Variants in BNIP2 observed in about 807,000 individuals in gnomAD.
The protein encoded by BNIP2 is BCL2 interacting protein 2, also known as BCL2/adenovirus E1B 19 kDa protein-interacting protein 2.
Under a neutral mutation model 43.4 loss-of-function variants are expected in BNIP2, and 36 were observed. The observed-to-expected ratio is 0.83, with a 90% CI of 0.64 to 1.10. BNIP2 has a LOEUF of 1.10. Among genes scored for constraint, BNIP2 ranks in the 50% least tolerant of loss-of-function variants. BNIP2 has a pLI of 0.00. For missense variants in BNIP2, 417 were observed against 374.1 expected, an observed-to-expected ratio of 1.11 and a Z score of -0.95; for synonymous variants, 146 against 121.0, an observed-to-expected ratio of 1.21 and a Z score of -1.35.
intron 2 of BNIP2, among the ~76,000 whole-genome samples, chr15:59,682,186 G>A (rs1893722769): frequency 6.6e-6 from 1 of 152,076 alleles, no homozygotes; most frequent in Admixed American, 6.6e-5. Context: ...AATTAGCCAG[G>A]CGTGGTGGCG....
intron 9 of BNIP2, chr15:59,668,625 A>C (rs1306079457): frequency 2.9e-6 from 1 of 345,098 alleles, no homozygotes; most frequent in Non-Finnish European, 5.3e-6. Context: ...CTTAGATTAT[A>C]AGTAGTCTAT....
chr15:59,684,664 T>A (rs1893902171), intron 1 of BNIP2, among the ~76,000 whole-genome samples: 3 of 152,352 alleles, frequency 2.0e-5, no homozygotes, highest in Middle Eastern at 3.4e-3. Context: ...TTTTCTTAAG[T>A]CTTTGGTACT....
rs1257859672 is a variant in BNIP2, at chr15:59,663,612, A to G, written c.*457T>C. 1 of 152,736 alleles carries G rather than the reference A, an allele frequency of 6.5e-6. No homozygotes were observed. Among genetic ancestry groups the G allele is most frequent in the Non-Finnish European group, 1.5e-5 (1 of 68,106 alleles). 9.5% of individuals were successfully genotyped at this position (152,736 alleles called of 1,614,324 possible). A position where few individuals can be genotyped will look rare whatever the true frequency, so the allele number is the denominator to read the frequency against. ...TGTATTTAACCATTTACAAAAACAA[A>G]AATTCTAATATGCACTTTAGAAAAT... On this transcript the variant is annotated 3_prime_UTR_variant, in exon 10 of 10. Transcript: ENST00000607373.
At position 59,661,158 on chromosome 15, in the gene BNIP2, C is replaced by T. The variant is rs1328384440; in HGVS notation, c.*2911G>A. 6.6e-6 allele frequency: 1 copy of T among 151,932 alleles called. No homozygotes were observed. The highest frequency in any genetic ancestry group is 1.5e-5 in the Non-Finnish European group (1 of 68,052). The allele number at this position is 151,932 out of a possible 1,614,324, so 9.4% of individuals were successfully genotyped here. ...AGACCAGCCTAGCATGGCGAAACCC[C>T]GTCTCTACTAAAAATACAAAAATTA... On this transcript the variant is annotated 3_prime_UTR_variant, in exon 10 of 10. Transcript: ENST00000607373.
chr15:59,679,612 C>G lies in BNIP2; in HGVS notation c.275G>C (p.Ser92Thr), dbSNP rs755046904. ...TTTACCTTCCCACTCAAACTCATTACTATTCTCTGACGGTGTGTCTAAGCC... is the reference window on the plus strand; with the variant it reads ...TTTACCTTCCCACTCAAACTCATTAGTATTCTCTGACGGTGTGTCTAAGCC... The part of the protein sequence containing the change: ...LDGLDTPSEN[S>T]NEFEWEDDLP... The change falls in exon 4 of 10, where the codon AGT becomes ACT. Residue 92 changes from serine (S) to threonine (T), a missense_variant. Transcript: ENST00000607373. The G allele has an allele frequency of 6.2e-7, 1 of 1,613,002 alleles. No homozygotes were observed. Among genetic ancestry groups the G allele is most frequent in the Non-Finnish European group, 8.5e-7 (1 of 1,179,418 alleles).
At chr15:59,669,232 A>C in intron 8 of BNIP2, 44 bp downstream of exon 8, 1 of 1,338,240 alleles carries the variant, frequency 7.5e-7, no homozygotes. Flanking sequence ...AAAAATAAAT[A>C]AATAAAAAAA....
intron 5 of BNIP2, among the ~76,000 whole-genome samples, chr15:59,673,576 C>T (rs537264384): frequency 6.6e-6 from 1 of 152,244 alleles, no homozygotes; most frequent in Admixed American, 6.5e-5. Context: ...ACAGCGCACA[C>T]AAACATGCCT....
intron 1 of BNIP2, among the ~76,000 whole-genome samples, chr15:59,683,965 G>T (rs529011371): frequency 6.6e-6 from 1 of 152,258 alleles, no homozygotes; most frequent in African/African-American, 2.4e-5. Context: ...ACATCAACCA[G>T]TCTTCTAAAA....
intron 5 of BNIP2, among the ~76,000 whole-genome samples, chr15:59,674,181 T>G (rs375396370): frequency 6.6e-6 from 1 of 152,138 alleles, no homozygotes; most frequent in Non-Finnish European, 1.5e-5. Flanking sequence ...AAAATATGTA[T>G]GTTTCAACAG....
intron 1 of BNIP2, chr15:59,688,872 C>G (rs1169166108): frequency 6.7e-7 from 1 of 1,488,046 alleles, no homozygotes; most frequent in South Asian, 1.3e-5. Context: ...CCGAGCACAA[C>G]TACCAGAAAC....
At position 59,677,838 on chromosome 15, in the gene BNIP2, C is replaced by T. The variant is rs938552636; in HGVS notation, c.472+73G>A. 37 of 1,508,174 alleles carry T rather than the reference C, an allele frequency of 2.5e-5. No individual in the cohort carries two copies. In the African/African-American group the frequency reaches 5.0e-4, roughly 21 times the overall value. 93.4% of individuals were successfully genotyped at this position (1,508,174 alleles called of 1,614,324 possible). On this transcript the variant is annotated intron_variant, in intron 5 of 9. Coordinates refer to ENST00000607373, the MANE Select transcript of BNIP2 (RefSeq NM_004330.4). ...ACAGGGCTTATTTACTCTTAATAAA[C>T]AGATATCCTTCCAAAAAAAAAAGAA...
intron 5 of BNIP2, chr15:59,677,162 C>T: frequency 6.3e-7 from 1 of 1,595,064 alleles, no homozygotes; most frequent in Non-Finnish European, 8.6e-7. Context: ...TGATTTACTA[C>T]CTCTGCATCT....
chr15:59,674,107 C>CA (rs67178095), intron 5 of BNIP2, among the ~76,000 whole-genome samples: 18 of 136,564 alleles, frequency 1.3e-4, no homozygotes, highest in East Asian at 4.5e-4. Context: ...AAAACAAAAA[C>CA]AAAAACAAAA....
rs150074828 is a variant in BNIP2, at chr15:59,661,536, G to C, written c.*2533C>G. 9 of 152,158 alleles carry C rather than the reference G, an allele frequency of 5.9e-5. No homozygotes were observed. Among genetic ancestry groups the C allele is most frequent in the African/African-American group, 2.2e-4 (9 of 41,494 alleles). 9.4% of individuals were successfully genotyped at this position (152,158 alleles called of 1,614,324 possible). ...TTAAGCTTAAATTGTGGGGTGAATAGAACGTCTTCCCTTGGTGCTTGCTTA... is the reference window on the plus strand; with the variant it reads ...TTAAGCTTAAATTGTGGGGTGAATACAACGTCTTCCCTTGGTGCTTGCTTA... On this transcript the variant is annotated 3_prime_UTR_variant, in exon 10 of 10. Coordinates refer to ENST00000607373, the MANE Select transcript of BNIP2 (RefSeq NM_004330.4).
In BNIP2 at chr15:59,664,113, G is replaced by A; in HGVS notation, c.901C>T (p.Gln301Ter). ...GIPECIKQVD[Q>*]ELNGKQDEPK... ...TCATCTTGTTTTCCATTAAGTTCTT[G>A]ATCAACTCTGTTTAATGAAGAATAT... The change falls in exon 10 of 10, where the codon CAA becomes TAA. Residue 301 changes from glutamine to a stop codon, truncating the protein, a stop_gained. Transcript: ENST00000607373. LOFTEE classifies it high-confidence loss of function. 2.6e-6 allele frequency: 4 copies of A among 1,540,724 alleles called. No individual in the cohort carries two copies. The highest frequency in any genetic ancestry group is 3.5e-6 in the Non-Finnish European group (4 of 1,139,324).
intron 7 of BNIP2, 74 bp from the exon 8 acceptor site, chr15:59,669,436 A>C (rs1481930190): frequency 1.9e-6 from 2 of 1,070,540 alleles, no homozygotes; most frequent in Non-Finnish European, 2.6e-6. Flanking sequence ...CTGCAAGTTT[A>C]TACAAAATAA....
At chr15:59,688,821 G>C (rs1227160182) in intron 1 of BNIP2, 1 of 1,532,442 alleles carries the variant, frequency 6.5e-7, no homozygotes, top group African/African-American at 1.4e-5. Flanking sequence ...CCCACACCAG[G>C]GTAAAAGGGT....
At chr15:59,664,237 A>G (rs1223226677) in intron 9 of BNIP2, 117 bp from the exon 10 acceptor site, 4 of 596,488 alleles carry the variant, frequency 6.7e-6, no homozygotes, top group Non-Finnish European at 1.1e-5. Flanking sequence ...TTTGCAAAGA[A>G]GCAGACATAG....
chr15:59,673,619 T>C (rs12913471), intron 5 of BNIP2, among the ~76,000 whole-genome samples: 7,589 of 152,158 alleles, frequency 0.05, 254 homozygotes, highest in South Asian at 0.093. Flanking sequence ...TTTGTAGAGA[T>C]AGGGTTTCAC....
Sources: allele counts gnomAD v4.1 joint callset (sites outside exome capture counted in the v4.1 genomes callset), GRCh38; gene constraint gnomAD v4.1.1; transcripts MANE v1.5; gene names NCBI Gene and HGNC (gene_info 2026-07-23, HGNC 2026-07-21).